The following MED13L variants were observed in gnomAD, a reference collection of about 807,000 sequenced individuals.
MED13L encodes the protein mediator complex subunit 13L, also known as mediator of RNA polymerase II transcription subunit 13-like.
Under a neutral mutation model 220.9 loss-of-function variants are expected in MED13L, and 7 were observed. The ratio of observed to expected loss-of-function variants is 0.03; its 90% CI spans 0.02 to 0.06. MED13L has a LOEUF of 0.06. MED13L is among the 10% of genes least tolerant of loss of function. The pLI is 1.00. For missense variants in MED13L, 1,965 were observed against 2,760.5 expected (o/e 0.71, Z 6.46); for synonymous variants, 1,011 against 1,015.2 (o/e 1.00, Z 0.08).
At chr12:116,233,393 G>A (rs1419315294) in intron 2 of MED13L, among the ~76,000 whole-genome samples, 1 of 152,010 alleles carries the variant, frequency 6.6e-6, no homozygotes, top group Admixed American at 6.5e-5. Context: ...TTATTACTAA[G>A]TTAATCTTCC....
At chr12:116,139,001 T>C (rs1876824991) in intron 2 of MED13L, among the ~76,000 whole-genome samples, 1 of 152,164 alleles carries the variant, frequency 6.6e-6, no homozygotes, top group South Asian at 2.1e-4. Context: ...CCTAACATAG[T>C]TGAGACATAT....
At chr12:116,098,243 T>C (rs1009714484) in intron 3 of MED13L, among the ~76,000 whole-genome samples, 39 of 151,328 alleles carry the variant, frequency 2.6e-4, no homozygotes, top group African/African-American at 9.0e-4. Flanking sequence ...CGAAACTCCA[T>C]CTCAAAAAAA....
chr12:116,101,197 C>T (rs1873037604), intron 3 of MED13L, among the ~76,000 whole-genome samples: 1 of 152,194 alleles, frequency 6.6e-6, no homozygotes, highest in Admixed American at 6.5e-5. Context: ...CAAATCAGCA[C>T]TTTCACCACT....
rs773940495 is a variant in MED13L at position 116,019,320 on chromosome 12, T to C, written c.913A>G (p.Ile305Val). 10 of 1,613,922 alleles carry C rather than the reference T, an allele frequency of 6.2e-6. No individual in the cohort carries two copies. The highest frequency in any genetic ancestry group is 1.7e-5 in the Admixed American group (1 of 59,956). Residue 305 changes from isoleucine to valine, a missense_variant, in exon 7 of 31, where the codon ATT becomes GTT. Ile to Val is a conservative substitution (Grantham distance 29, BLOSUM62 3). Around this residue, in one of 10 missense-constraint regions of MED13L, gnomAD observed 818 missense variants for 1,041.2 expected, o/e 0.79. Transcript: ENST00000281928. The stretch of plus-strand genomic sequence containing the variant: ...CCAAGCCCTTGCTGCCCAACTGCAA[T>C]GTGGCCTCCAGCACTGGCAACACTC... ...PQSVASAGGH[I>V]AVGQQGLGSV...
At chr12:116,075,077 AAATG>A (rs1430089146) in intron 4 of MED13L, among the ~76,000 whole-genome samples, 3 of 152,274 alleles carry the variant, frequency 2.0e-5, no homozygotes, top group Non-Finnish European at 4.4e-5. Flanking sequence ...GAGGCTAAAA[AAATG>A]AATGACCACT....
intron 3 of MED13L, among the ~76,000 whole-genome samples, chr12:116,106,553 G>T (rs1223838781): frequency 6.6e-6 from 1 of 152,140 alleles, no homozygotes; most frequent in Non-Finnish European, 1.5e-5. Flanking sequence ...CAGTAAAAAA[G>T]ATATTATAAG....
At position 115,987,198 on chromosome 12, in the gene MED13L, C is replaced by T. The variant is rs1157874688; in HGVS notation, c.4025G>A (p.Arg1342His). ...GATGTTCTCCCAGGTCCTGCCCGTG[C>T]GCTTCTTTTGGATGGCATCTTGGAG... The part of the protein sequence containing the change: ...PFLQDAIQKK[R>H]TGRTWENIQH... The change falls in exon 18 of 31, where the codon CGC becomes CAC. Residue 1342 changes from arginine to histidine, a missense_variant. Physicochemically the swap from Arg to His is conservative, Grantham distance 29. Around this residue, in one of 10 missense-constraint regions of MED13L, gnomAD observed 21 missense variants for 73.9 expected, o/e 0.28. Transcript: ENST00000281928. 5.0e-6 allele frequency: 8 copies of T among 1,613,952 alleles called. No homozygotes were observed. The highest frequency in any genetic ancestry group is 4.2e-6 in the Non-Finnish European group (5 of 1,180,024).
chr12:116,029,619 A>T (rs1880605954), intron 4 of MED13L, among the ~76,000 whole-genome samples: 1 of 152,188 alleles, frequency 6.6e-6, no homozygotes, highest in South Asian at 2.1e-4. Context: ...CAACAAATAA[A>T]ACAACGAAAT....
At chr12:116,271,830 T>C (rs181192725) in intron 1 of MED13L, among the ~76,000 whole-genome samples, 72 of 152,272 alleles carry the variant, frequency 4.7e-4, no homozygotes, top group Non-Finnish European at 8.8e-4. Flanking sequence ...ATACTACTAA[T>C]TCTCATAAAA....
At chr12:116,250,388 A>G (rs1449120663) in intron 1 of MED13L, among the ~76,000 whole-genome samples, 1 of 122,592 alleles carries the variant, frequency 8.2e-6, no homozygotes, top group Admixed American at 8.2e-5. Flanking sequence ...GGTACGAGGA[A>G]CACGACACAA....
intron 2 of MED13L, among the ~76,000 whole-genome samples, chr12:116,191,091 C>CAAAAA (rs558125739): frequency 2.7e-4 from 18 of 65,834 alleles, no homozygotes; most frequent in Non-Finnish European, 3.9e-4. Context: ...GACTCTGTCT[C>CAAAAA]AAAAAAAAAA....
intron 4 of MED13L, among the ~76,000 whole-genome samples, chr12:116,058,673 G>A (rs144368334): frequency 4.1e-4 from 62 of 152,264 alleles, no homozygotes; most frequent in Middle Eastern, 6.8e-3. Flanking sequence ...CTTAATAAGT[G>A]TTCCCAGAAA....
intron 4 of MED13L, among the ~76,000 whole-genome samples, chr12:116,054,004 C>T (rs143474844): frequency 5.3e-5 from 8 of 152,260 alleles, no homozygotes; most frequent in African/African-American, 1.7e-4. Flanking sequence ...TTCATCACAT[C>T]TACTTTACAT....
chr12:116,074,405 C>A (rs1456797468), intron 4 of MED13L, among the ~76,000 whole-genome samples: 1 of 152,104 alleles, frequency 6.6e-6, no homozygotes, highest in Non-Finnish European at 1.5e-5. Flanking sequence ...AAAACAACAA[C>A]AAAAAACTCA....
intron 12 of MED13L, 33 bp downstream of exon 12, chr12:116,006,273 A>T (rs1879041477): frequency 6.3e-7 from 1 of 1,576,378 alleles, no homozygotes; most frequent in Non-Finnish European, 8.7e-7. Context: ...TTTTAGCAAC[A>T]ATCCAAGTGA....
intron 3 of MED13L, among the ~76,000 whole-genome samples, chr12:116,099,694 T>C (rs926978695): frequency 6.6e-6 from 1 of 152,224 alleles, no homozygotes; most frequent in Non-Finnish European, 1.5e-5. Flanking sequence ...ACAAATTCTA[T>C]ATGCTGGACT....
intron 4 of MED13L, among the ~76,000 whole-genome samples, chr12:116,081,729 T>C (rs570255345): frequency 6.6e-6 from 1 of 152,232 alleles, no homozygotes; most frequent in East Asian, 1.9e-4. Flanking sequence ...TAGCCAGACA[T>C]GGTGGCACAT....
intron 4 of MED13L, among the ~76,000 whole-genome samples, chr12:116,034,838 T>C (rs1417580238): frequency 6.6e-6 from 1 of 152,062 alleles, no homozygotes; most frequent in Non-Finnish European, 1.5e-5. Context: ...TAACCCTGTC[T>C]CTACTAAAAA....
chr12:116,100,028 T>G (rs1007674610), intron 3 of MED13L, among the ~76,000 whole-genome samples: 3 of 152,166 alleles, frequency 2.0e-5, no homozygotes, highest in African/African-American at 7.2e-5. Context: ...TCCCACACAA[T>G]GAAAGGAAAA....
Sources: allele counts gnomAD v4.1 joint callset (sites outside exome capture counted in the v4.1 genomes callset), GRCh38; gene constraint gnomAD v4.1.1; regional missense constraint gnomAD v4.1.1; transcripts MANE v1.5; gene names NCBI Gene and HGNC (gene_info 2026-07-23, HGNC 2026-07-21).